Variants in KLF17 observed in about 807,000 individuals in gnomAD.
The protein encoded by KLF17 is Krueppel-like factor 17.
KLF17 carries 31 observed loss-of-function variants against 34.2 expected under a neutral mutation model. The observed-to-expected ratio is 0.91, with a 90% CI of 0.68 to 1.22. KLF17 has a LOEUF of 1.22. KLF17 is among the 50% of genes most tolerant of loss of function. The pLI is 0.00. For synonymous variants in KLF17, 179 were observed against 186.7 expected (o/e 0.96, Z 0.34); for missense variants, 478 against 505.2 (o/e 0.95, Z 0.52).
In KLF17 at chr1:44,130,448, C is replaced by T. The variant is rs896379628; in HGVS notation, c.926-64C>T. On this transcript the variant is annotated intron_variant, in intron 2 of 3. Transcript: ENST00000372299. ...ATCCTCAACCTGGACTGCTCTGCCTCACAGAGTTAGACCCCTTCCTTCCTA... is the reference window on the plus strand; with the variant it reads ...ATCCTCAACCTGGACTGCTCTGCCTTACAGAGTTAGACCCCTTCCTTCCTA... The T allele has an allele frequency of 3.7e-6, 6 of 1,600,306 alleles. No homozygotes were observed. The African/African-American group carries it at 4.0e-5, about 11-fold the overall frequency.
chr1:44,121,169 T>G (rs1009200837), intron 1 of KLF17, among the ~76,000 whole-genome samples: 12 of 152,162 alleles, frequency 7.9e-5, no homozygotes, highest in African/African-American at 2.9e-4. Flanking sequence ...CAGGCTGGGG[T>G]GCAGTGGCAC....
the KLF17 span, among the ~76,000 whole-genome samples, chr1:44,107,825 T>C: frequency 6.6e-6 from 1 of 152,236 alleles, no homozygotes; most frequent in African/African-American, 2.4e-5. Context: ...ACTCTTACTG[T>C]GTGTAATTTA....
chr1:44,056,978 TC>T, the KLF17 span, among the ~76,000 whole-genome samples: 3 of 152,016 alleles, frequency 2.0e-5, no homozygotes, highest in Admixed American at 1.3e-4. Flanking sequence ...TTGATGGGCT[TC>T]ATGTCCCAAG....
At chr1:44,089,503 T>G in the KLF17 span, among the ~76,000 whole-genome samples, 1 of 152,188 alleles carries the variant, frequency 6.6e-6, no homozygotes, top group South Asian at 2.1e-4. Flanking sequence ...AGCAGCTCTC[T>G]GCAGATGAGG....
intron 1 of KLF17, among the ~76,000 whole-genome samples, chr1:44,127,690 CTTT>C (rs67082537): frequency 6.2e-5 from 2 of 32,106 alleles, no homozygotes; most frequent in African/African-American, 1.6e-4. Flanking sequence ...TTCTTTCTTT[CTTT>C]TTCTTTCTTT....
intron 1 of KLF17, among the ~76,000 whole-genome samples, chr1:44,127,564 T>G (rs2088024813): frequency 6.7e-6 from 1 of 150,332 alleles, no homozygotes; most frequent in Non-Finnish European, 1.5e-5. Flanking sequence ...CTTGAACTCC[T>G]GACCTCAAGT....
chr1:44,127,270 G>A (rs2088019721), intron 1 of KLF17, among the ~76,000 whole-genome samples: 1 of 152,090 alleles, frequency 6.6e-6, no homozygotes, highest in Non-Finnish European at 1.5e-5. Flanking sequence ...GTGAATGTAA[G>A]TACAGCTTCT....
intron 1 of KLF17, among the ~76,000 whole-genome samples, chr1:44,120,471 AT>A (rs1275007038): frequency 6.6e-6 from 1 of 152,206 alleles, no homozygotes; most frequent in Non-Finnish European, 1.5e-5. Flanking sequence ...GAGGCCAAGC[AT>A]TCTAAGAAGG....
At chr1:44,099,903 A>AAGAAAGAG in the KLF17 span, among the ~76,000 whole-genome samples, 1 of 69,336 alleles carries the variant, frequency 1.4e-5, no homozygotes, top group African/African-American at 4.7e-5. Context: ...GAAAGAAAGA[A>AAGAAAGAG]AGAAAGAAAG....
the KLF17 span, among the ~76,000 whole-genome samples, chr1:44,059,691 G>A: frequency 6.6e-6 from 1 of 152,036 alleles, no homozygotes; most frequent in Non-Finnish European, 1.5e-5. Flanking sequence ...CTTGAGCTGG[G>A]AAGTTGGGTA....
At chr1:44,076,162 G>A in the KLF17 span, 1 of 152,212 alleles carries the variant, frequency 6.6e-6, no homozygotes, top group Non-Finnish European at 1.5e-5. Flanking sequence ...GGCAGCCAGA[G>A]GCCCATGGGA....
At chr1:44,098,889 C>T in the KLF17 span, among the ~76,000 whole-genome samples, 1 of 146,166 alleles carries the variant, frequency 6.8e-6, no homozygotes, top group East Asian at 2.0e-4. Flanking sequence ...AGGTCTTACT[C>T]ACTTTAATTT....
the KLF17 span, among the ~76,000 whole-genome samples, chr1:44,061,850 G>A: frequency 1.2e-4 from 19 of 152,118 alleles, no homozygotes; most frequent in Admixed American, 9.2e-4. Flanking sequence ...CCTGGGAGGC[G>A]GAGGTTGCAG....
chr1:44,053,953 T>C, the KLF17 span, among the ~76,000 whole-genome samples: 2 of 152,192 alleles, frequency 1.3e-5, no homozygotes, highest in African/African-American at 4.8e-5. Context: ...AGGCTCTCAA[T>C]TGGATTACTA....
chr1:44,093,963 A>G, the KLF17 span, among the ~76,000 whole-genome samples: 1 of 152,256 alleles, frequency 6.6e-6, no homozygotes, highest in African/African-American at 2.4e-5. Context: ...GAGAAGAAAC[A>G]GTCCAAGTTA....
At chr1:44,112,397 T>C in the KLF17 span, among the ~76,000 whole-genome samples, 1 of 47,680 alleles carries the variant, frequency 2.1e-5, no homozygotes, top group South Asian at 5.8e-4. Context: ...TTCTTTCTTT[T>C]TTTTATTTTC....
chr1:44,082,569 C>T, the KLF17 span, among the ~76,000 whole-genome samples: 1 of 152,152 alleles, frequency 6.6e-6, no homozygotes, highest in Non-Finnish European at 1.5e-5. Context: ...TCCCTGAGAA[C>T]AGATTCAACA....
At chr1:44,091,961 A>ACTCTCTCT in the KLF17 span, among the ~76,000 whole-genome samples, 3 of 116,554 alleles carry the variant, frequency 2.6e-5, no homozygotes, top group African/African-American at 7.1e-5. Context: ...ACACACACAC[A>ACTCTCTCT]CTCTCTCTCT....
the KLF17 span, chr1:44,045,287 G>T: frequency 1.3e-5 from 2 of 152,284 alleles, no homozygotes; most frequent in Admixed American, 1.3e-4. Flanking sequence ...CGTGCTGCGG[G>T]ACTGCCCTGG....
Sources: gnomAD v4.1 joint callset for allele counts (sites outside exome capture counted in the v4.1 genomes callset) on GRCh38, gnomAD v4.1.1 for gene constraint, MANE v1.5 for transcripts, NCBI Gene and HGNC (gene_info 2026-07-23, HGNC 2026-07-21) for gene names.